Variants in ABCA12 observed in about 807,000 individuals in gnomAD.
ABCA12 encodes glucosylceramide transporter ABCA12.
ABCA12 carries 156 observed loss-of-function variants against 293.5 expected under a neutral mutation model. That is an observed-to-expected ratio of 0.53 (90% confidence interval 0.47 to 0.61). The LOEUF is 0.61. Among genes scored for constraint, ABCA12 ranks in the 20% least tolerant of loss-of-function variants. ABCA12 has a pLI of 0.00. For synonymous variants in ABCA12, 1,063 were observed against 1,108.0 expected, an observed-to-expected ratio of 0.96 and a Z score of 0.81; for missense variants, 2,797 against 3,090.2, an observed-to-expected ratio of 0.91 and a Z score of 2.25.
intron 2 of ABCA12, among the ~76,000 whole-genome samples, chr2:215,109,420 A>T (rs1702525669): frequency 6.6e-6 from 1 of 152,204 alleles, no homozygotes; most frequent in Non-Finnish European, 1.5e-5. Flanking sequence ...ACTTGTAATA[A>T]CAAACCAAAA....
At chr2:215,133,537 A>T (rs1383761168) in intron 1 of ABCA12, among the ~76,000 whole-genome samples, 1 of 151,964 alleles carries the variant, frequency 6.6e-6, no homozygotes, top group Non-Finnish European at 1.5e-5. Context: ...CCCTGTCATT[A>T]ACTAGCATCT....
chr2:215,052,294 C>G (rs1300160976), intron 5 of ABCA12, among the ~76,000 whole-genome samples, 193 bp downstream of exon 5: 1 of 151,112 alleles, frequency 6.6e-6, no homozygotes, highest in African/African-American at 2.5e-5. Context: ...AATAAATACT[C>G]AAGATATTAA....
At chr2:215,132,202 G>A (rs898949038) in intron 1 of ABCA12, among the ~76,000 whole-genome samples, 2 of 152,056 alleles carry the variant, frequency 1.3e-5, no homozygotes, top group Non-Finnish European at 2.9e-5. Context: ...TGAGAAGAAT[G>A]TATATTCTGC....
At chr2:215,076,119 C>T (rs928539595) in intron 2 of ABCA12, among the ~76,000 whole-genome samples, 1 of 152,190 alleles carries the variant, frequency 6.6e-6, no homozygotes. Flanking sequence ...GGTAGCAAAA[C>T]CCCATCTTCT....
chr2:214,956,809 C>T (rs780053929), intron 41 of ABCA12, 31 bp from the exon 42 acceptor site: 22 of 1,434,580 alleles, frequency 1.5e-5, no homozygotes, highest in Admixed American at 5.1e-5. Flanking sequence ...ATGTTTAATA[C>T]GTGACAAGCA....
At chr2:215,077,619 C>T (rs1701858638) in intron 2 of ABCA12, among the ~76,000 whole-genome samples, 1 of 152,192 alleles carries the variant, frequency 6.6e-6, no homozygotes, top group South Asian at 2.1e-4. Flanking sequence ...TGTGTTTACT[C>T]CATTACCGAG....
At chr2:215,076,948 A>C (rs1325469356) in intron 2 of ABCA12, among the ~76,000 whole-genome samples, 7 of 152,232 alleles carry the variant, frequency 4.6e-5, no homozygotes, top group Admixed American at 4.6e-4. Context: ...GATGTAGTCA[A>C]GTATATAAAC....
chr2:215,076,792 T>C (rs913471202), intron 2 of ABCA12, among the ~76,000 whole-genome samples: 1 of 152,144 alleles, frequency 6.6e-6, no homozygotes, highest in African/African-American at 2.4e-5. Flanking sequence ...GTGAATAAAC[T>C]CAAGCTGCCT....
At chr2:215,128,918 T>G (rs536394962) in intron 1 of ABCA12, among the ~76,000 whole-genome samples, 29 of 152,314 alleles carry the variant, frequency 1.9e-4, no homozygotes, top group African/African-American at 6.3e-4. Flanking sequence ...CCTTCTCATT[T>G]GGGTAGGCTC....
At chr2:214,934,660 T>C (rs769069316) in intron 51 of ABCA12, among the ~76,000 whole-genome samples, 3 of 152,158 alleles carry the variant, frequency 2.0e-5, no homozygotes, top group Non-Finnish European at 4.4e-5. Flanking sequence ...TTCAAAAGCA[T>C]TGAAGCTCCT....
chr2:215,042,672 C>A (rs1266379647), intron 7 of ABCA12, among the ~76,000 whole-genome samples: 1 of 152,060 alleles, frequency 6.6e-6, no homozygotes, highest in African/African-American at 2.4e-5. Flanking sequence ...GTATCCATTG[C>A]CTCAAACGTT....
intron 13 of ABCA12, among the ~76,000 whole-genome samples, chr2:215,018,507 A>G (rs922447586): frequency 1.3e-5 from 2 of 152,156 alleles, no homozygotes; most frequent in Non-Finnish European, 2.9e-5. Flanking sequence ...TTAATCTGGG[A>G]TCATGTAATA....
chr2:214,934,629 T>C (rs1460646815), intron 51 of ABCA12, among the ~76,000 whole-genome samples: 1 of 152,216 alleles, frequency 6.6e-6, no homozygotes, highest in Non-Finnish European at 1.5e-5. Flanking sequence ...GTTCCATTTA[T>C]ATTGGCTAAA....
intron 2 of ABCA12, among the ~76,000 whole-genome samples, chr2:215,087,197 C>T (rs1487946612): frequency 2.0e-5 from 3 of 152,132 alleles, no homozygotes; most frequent in Non-Finnish European, 4.4e-5. Flanking sequence ...CCACCTCGGC[C>T]TTCCAAAGTG....
chr2:215,058,771 A>G (rs1006248600), intron 3 of ABCA12, among the ~76,000 whole-genome samples: 8 of 152,044 alleles, frequency 5.3e-5, no homozygotes, highest in Non-Finnish European at 8.8e-5. Flanking sequence ...AGTGACATTT[A>G]TAGGGCTCTA....
At chr2:215,069,225 A>ATT (rs567136965) in intron 2 of ABCA12, among the ~76,000 whole-genome samples, 3 of 147,950 alleles carry the variant, frequency 2.0e-5, no homozygotes, top group African/African-American at 7.4e-5. Flanking sequence ...ATTTGAGAGC[A>ATT]TTTTTTTTTT....
intron 34 of ABCA12, 52 bp from the exon 35 acceptor site, chr2:214,974,916 A>C (rs763526363): frequency 5.4e-5 from 78 of 1,455,088 alleles, no homozygotes; most frequent in Non-Finnish European, 7.2e-5. Context: ...CTAGTCTCCC[A>C]TATTAAAATC....
chr2:214,958,304 G>A lies in ABCA12; in HGVS notation c.6090C>T (p.Tyr2030=), dbSNP rs763486327. The change falls in exon 41 of 53, where the codon TAC becomes TAT. Residue 2030 remains tyrosine, a synonymous_variant. Transcript: ENST00000272895. The part of the protein sequence containing the change: ...QHISGIGVTC[Y]WVTNFIYDMV... ...TGTCATAAATGAAGTTTGTTACCCA[G>A]TAGCATGTCACGCCAATGCCTGAAA... 2.5e-6 allele frequency: 4 copies of A among 1,614,012 alleles called. No individual in the cohort carries two copies. Among genetic ancestry groups the A allele is most frequent in the South Asian group, 2.2e-5 (2 of 91,086 alleles).
At chr2:215,024,105 T>A (rs2106019800) in intron 11 of ABCA12, among the ~76,000 whole-genome samples, 1 of 152,316 alleles carries the variant, frequency 6.6e-6, no homozygotes, top group South Asian at 2.1e-4. Flanking sequence ...AATGCACAAC[T>A]AACCTAATTC....
Sources: allele counts gnomAD v4.1 joint callset (sites outside exome capture counted in the v4.1 genomes callset), GRCh38; gene constraint gnomAD v4.1.1; transcripts MANE v1.5; gene names NCBI Gene and HGNC (gene_info 2026-07-23, HGNC 2026-07-21).